The following CEP350 variants were observed in gnomAD, a reference collection of about 807,000 sequenced individuals.
CEP350 encodes the protein centrosome-associated protein 350.
Under a neutral mutation model 331.8 loss-of-function variants are expected in CEP350, and 126 were observed. That is an observed-to-expected ratio of 0.38 (90% CI 0.33 to 0.44). The LOEUF is 0.44. Ranked by LOEUF, CEP350 falls within the 20% of genes least tolerant of loss-of-function variation. The pLI, the probability that CEP350 is intolerant of heterozygous loss-of-function variation, is 1.00. For missense variants in CEP350, 3,406 were observed against 3,634.6 expected (o/e 0.94, Z 1.62); for synonymous variants, 1,200 against 1,259.5 (o/e 0.95, Z 1.00).
intron 10 of CEP350, among the ~76,000 whole-genome samples, chr1:180,015,207 ATTGT>A (rs1245385951): frequency 3.7e-5 from 5 of 135,760 alleles, no homozygotes; most frequent in Admixed American, 1.5e-4. Context: ...TGCCTAGGAA[ATTGT>A]TTATTTATTT....
intron 24 of CEP350, 26 bp downstream of exon 24, chr1:180,053,960 T>C: frequency 6.8e-7 from 1 of 1,470,958 alleles, no homozygotes; most frequent in Non-Finnish European, 9.1e-7. Context: ...CAGTTTTCAC[T>C]AATTTCTTCA....
intron 1 of CEP350, among the ~76,000 whole-genome samples, chr1:179,971,816 G>T (rs763615525): frequency 6.6e-6 from 1 of 152,046 alleles, no homozygotes; most frequent in Non-Finnish European, 1.5e-5. Flanking sequence ...AAACTCCATT[G>T]TACATTCATA....
chr1:179,996,506 A>G, intron 5 of CEP350, 47 bp from the exon 6 acceptor site: 1 of 1,334,148 alleles, frequency 7.5e-7, no homozygotes, highest in Non-Finnish European at 1.0e-6. Flanking sequence ...TCAAGTATAC[A>G]ATATATTATT....
At chr1:180,097,791 T>A (rs1049103529) in intron 36 of CEP350, among the ~76,000 whole-genome samples, 6 of 152,236 alleles carry the variant, frequency 3.9e-5, no homozygotes, top group African/African-American at 1.4e-4. Flanking sequence ...TGATATTTTT[T>A]AATTTAACAT....
Position 180,096,113 on chromosome 1 carries a change from A to T in CEP350, c.8995A>T (p.Met2999Leu). 1.3e-6 allele frequency: 2 copies of T among 1,563,166 alleles called. No individual in the cohort carries two copies. Among genetic ancestry groups the T allele is most frequent in the Admixed American group, 1.9e-5 (1 of 52,052 alleles). Residue 2999 changes from methionine (M) to leucine (L), a missense_variant, in exon 36 of 38, where the codon ATG becomes TTG. By Grantham distance (15) the Met-to-Leu change is conservative. Around this residue, in one of 5 missense-constraint regions of CEP350, gnomAD observed 1,415 missense variants for 1,512.3 expected, o/e 0.94. Coordinates refer to ENST00000367607, the MANE Select transcript of CEP350 (RefSeq NM_014810.5). ...EDPNLNQPVW[M>L]KPCRINSSYF... ...TCCCAACTTAAATCAACCTGTCTGGATGAAGCCATGTAGAATCAACTCTAG... is the reference window on the plus strand; with the variant it reads ...TCCCAACTTAAATCAACCTGTCTGGTTGAAGCCATGTAGAATCAACTCTAG...
chr1:180,043,009 C>A, intron 19 of CEP350, 47 bp from the exon 20 acceptor site: 1 of 1,578,428 alleles, frequency 6.3e-7, no homozygotes, highest in Non-Finnish European at 8.6e-7. Context: ...AGTTCTCTGA[C>A]CTTACGTTTT....
chr1:180,014,817 T>A (rs1282951412), intron 10 of CEP350, among the ~76,000 whole-genome samples: 2 of 152,230 alleles, frequency 1.3e-5, no homozygotes, highest in Non-Finnish European at 2.9e-5. Flanking sequence ...ATGTGGGGGT[T>A]GGGGTGCCAA....
intron 37 of CEP350, among the ~76,000 whole-genome samples, chr1:180,103,179 G>A (rs985042131): frequency 2.6e-5 from 4 of 152,190 alleles, no homozygotes; most frequent in Non-Finnish European, 5.9e-5. Context: ...ATCTTATTAT[G>A]CAAATAGATT....
rs757045664 is a variant in CEP350 at position 180,041,181 on chromosome 1, T to C, written c.4154T>C (p.Leu1385Pro). Residue 1385 changes from leucine to proline, a missense_variant, in exon 18 of 38, where the codon CTA (leucine) becomes CCA (proline). Physicochemically the swap from Leu to Pro is moderately conservative, Grantham distance 98. Coordinates refer to ENST00000367607, the MANE Select transcript of CEP350 (RefSeq NM_014810.5). ...RHERDLALLK[L>P]KAEQEALESQ... ...GAAAGAGACTTGGCCCTCTTGAAAC[T>C]AAAGGCTGAACAAGAGGCTCTGGAG... The C allele has an allele frequency of 6.3e-6, 10 of 1,598,668 alleles. No homozygotes were observed. The highest frequency in any genetic ancestry group is 1.6e-4 in the Middle Eastern group (1 of 6,064).
intron 37 of CEP350, among the ~76,000 whole-genome samples, chr1:180,104,265 A>G (rs564764077): frequency 6.6e-6 from 1 of 151,744 alleles, no homozygotes; most frequent in South Asian, 2.1e-4. Flanking sequence ...TTTTATCTAT[A>G]ATTAATATTT....
chr1:180,030,428 TCTG>T (rs1655952486), intron 14 of CEP350, among the ~76,000 whole-genome samples: 1 of 150,930 alleles, frequency 6.6e-6, no homozygotes, highest in African/African-American at 2.4e-5. Flanking sequence ...AGTTTTGTAA[TCTG>T]CTTTTTTTAA....
chr1:180,095,652 A>T lies in CEP350; in HGVS notation c.8641A>T (p.Ser2881Cys). Residue 2881 changes from serine to cysteine, a missense_variant, in exon 35 of 38, where the codon AGC becomes TGC. This residue lies in a region of CEP350 where 1,415 missense variants were observed against 1,512.3 expected (regional missense o/e 0.94). Coordinates refer to ENST00000367607, the MANE Select transcript of CEP350 (RefSeq NM_014810.5). ...QDWFDEDFGL[S>C]SSHKIQKNKA... The stretch of plus-strand genomic sequence containing the variant: ...CTGGTTTGATGAAGACTTTGGTTTG[A>T]GCTCTTCTCACAAGATCCAAAAAAA... 1 of 1,613,914 alleles carries T rather than the reference A, an allele frequency of 6.2e-7. No homozygotes were observed. Among genetic ancestry groups the T allele is most frequent in the South Asian group, 1.1e-5 (1 of 91,090 alleles).
At chr1:180,008,189 A>C (rs974631006) in intron 8 of CEP350, among the ~76,000 whole-genome samples, 22 of 152,194 alleles carry the variant, frequency 1.4e-4, no homozygotes, top group African/African-American at 5.3e-4. Context: ...AGTATTAGTC[A>C]GGTGGAAGTC....
chr1:180,064,271 G>A (rs537701619), intron 26 of CEP350, among the ~76,000 whole-genome samples: 4 of 151,924 alleles, frequency 2.6e-5, no homozygotes, highest in East Asian at 1.9e-4. Context: ...TTCCCTTACC[G>A]GCCACCCTCC....
At position 180,041,788 on chromosome 1, in the gene CEP350, C is replaced by A; in HGVS notation, c.4348C>A (p.Arg1450Ser). 1 of 1,612,214 alleles carries A rather than the reference C, an allele frequency of 6.2e-7. No homozygotes were observed. Among genetic ancestry groups the A allele is most frequent in the Non-Finnish European group, 8.5e-7 (1 of 1,179,086 alleles). The change falls in exon 19 of 38, where the codon CGT becomes AGT. Residue 1450 changes from arginine to serine, a missense_variant. Arg to Ser is a moderately radical substitution (Grantham distance 110). Transcript: ENST00000367607. Reference protein sequence around the residue: ...ETARLTTDAARQICEMAELTR... With the variant: ...ETARLTTDAASQICEMAELTR... ...TGCTCGCCTCACCACAGACGCAGCA[C>A]GTCAAATCTGTGAGGTAGGTGCCAC...
rs562287869 is a variant in CEP350, at chr1:180,078,455, C to T, written c.5768-8C>T. The T allele has an allele frequency of 2.5e-6, 4 of 1,594,780 alleles. No individual in the cohort carries two copies. The highest frequency in any genetic ancestry group is 2.2e-5 in the South Asian group (2 of 88,936). On this transcript the variant is annotated splice_polypyrimidine_tract_variant and splice_region_variant and intron_variant, in intron 28 of 37. Coordinates refer to ENST00000367607, the MANE Select transcript of CEP350 (RefSeq NM_014810.5). ...CTTTTTTTTCTTGTTTTCACCTTCT[C>T]TGTCTAGAAATAGCAAGTGAAGAGG...
chr1:179,977,276 T>C (rs1455654047), intron 1 of CEP350, among the ~76,000 whole-genome samples: 2 of 152,214 alleles, frequency 1.3e-5, no homozygotes, highest in Non-Finnish European at 2.9e-5. Flanking sequence ...ACAGCTTCAT[T>C]TAACAAAGCT....
In CEP350 at chr1:180,094,041, G is replaced by A. The variant is rs1660341721; in HGVS notation, c.7936G>A (p.Val2646Ile). 2 of 1,613,616 alleles carry A rather than the reference G, an allele frequency of 1.2e-6. No homozygotes were observed. The highest frequency in any genetic ancestry group is 1.7e-6 in the Non-Finnish European group (2 of 1,179,762). The change falls in exon 34 of 38, where the codon GTA (valine) becomes ATA (isoleucine). Residue 2646 changes from valine (V) to isoleucine (I), a missense_variant. Coordinates refer to ENST00000367607, the MANE Select transcript of CEP350 (RefSeq NM_014810.5). ...AGACAATGTACAGGACATTTCTGGG[G>A]TACTTGAAGCCCATGTTCACCAGCA... ...ETDNVQDISGVLEAHVHQQSS... is the reference protein window; with the variant it reads ...ETDNVQDISGILEAHVHQQSS...
chr1:179,989,337 G>A (rs905114871), intron 3 of CEP350, among the ~76,000 whole-genome samples: 2 of 151,840 alleles, frequency 1.3e-5, no homozygotes, highest in Admixed American at 6.6e-5. Context: ...ACAAAAATTA[G>A]CTGGGCATGG....
Sources: allele counts gnomAD v4.1 joint callset (sites outside exome capture counted in the v4.1 genomes callset), GRCh38; gene constraint gnomAD v4.1.1; regional missense constraint gnomAD v4.1.1; transcripts MANE v1.5; gene names NCBI Gene and HGNC (gene_info 2026-07-23, HGNC 2026-07-21).